The following SMAD3 variants were observed in gnomAD, a reference collection of about 807,000 sequenced individuals.
SMAD3 encodes the protein MAD homolog 3.
SMAD3 carries 12 observed loss-of-function variants against 51.8 expected under a neutral mutation model. The observed-to-expected ratio is 0.23, with a 90% CI of 0.15 to 0.38. The LOEUF is 0.38. Ranked by LOEUF, SMAD3 falls within the 10% of genes least tolerant of loss-of-function variation. The probability of loss-of-function intolerance (pLI) is 1.00; values close to 1 mark genes in which losing one functional copy is unlikely to be tolerated. For synonymous variants in SMAD3, 238 were observed against 227.7 expected, an observed-to-expected ratio of 1.05 and a Z score of -0.41; for missense variants, 294 against 565.6, an observed-to-expected ratio of 0.52 and a Z score of 4.87.
At chr15:67,137,294 A>G (rs1452562723) in intron 1 of SMAD3, among the ~76,000 whole-genome samples, 1 of 152,224 alleles carries the variant, frequency 6.6e-6, no homozygotes, top group Non-Finnish European at 1.5e-5. Flanking sequence ...AAGTTGATTT[A>G]GTACCACAGC....
chr15:67,176,525 T>C lies in SMAD3; in HGVS notation c.659-4716T>C, dbSNP rs188764510. Among the ~76,000 whole-genome samples, 28 of 152,378 alleles carry C rather than the reference T, an allele frequency of 1.8e-4. No individual in the cohort carries two copies. The East Asian group carries it at 4.0e-3, about 22-fold the overall frequency. On this transcript the variant is annotated intron_variant, in intron 5 of 8. Coordinates refer to ENST00000327367, the MANE Select transcript of SMAD3 (RefSeq NM_005902.4). ...TTTCGATTTATAGGAGAAAGTTAAT[T>C]TCCCCCCTTGCCTCCCCACCTCTTC...
intron 1 of SMAD3, among the ~76,000 whole-genome samples, chr15:67,080,959 A>G (rs929063988): frequency 6.6e-6 from 1 of 152,242 alleles, no homozygotes; most frequent in Non-Finnish European, 1.5e-5. Flanking sequence ...CAACTCTCCA[A>G]CCAGACTGTT....
chr15:67,158,775 G>A (rs1962349221), intron 1 of SMAD3, among the ~76,000 whole-genome samples: 1 of 152,250 alleles, frequency 6.6e-6, no homozygotes, highest in South Asian at 2.1e-4. Flanking sequence ...GCACCAGACA[G>A]ACATGAGGAC....
intron 1 of SMAD3, among the ~76,000 whole-genome samples, chr15:67,078,348 T>C (rs1034848326): frequency 6.6e-6 from 1 of 152,250 alleles, no homozygotes; most frequent in African/African-American, 2.4e-5. Flanking sequence ...TGCCTTCATA[T>C]GGACCGTCTC....
chr15:67,163,349 C>T (rs1962482072), intron 1 of SMAD3, among the ~76,000 whole-genome samples: 1 of 152,146 alleles, frequency 6.6e-6, no homozygotes, highest in Admixed American at 6.5e-5. Context: ...CTTTCCTTAC[C>T]ACTGTATCCT....
intron 1 of SMAD3, among the ~76,000 whole-genome samples, chr15:67,073,664 CATTTT>C (rs66935117): frequency 0.46 from 69,200 of 151,022 alleles, 16,112 homozygotes; most frequent in South Asian, 0.66. Context: ...TTCATACAAG[CATTTT>C]ATTTTATTTT....
chr15:67,170,632 G>A, intron 5 of SMAD3, 28 bp downstream of exon 5: 2 of 1,605,346 alleles, frequency 1.2e-6, no homozygotes, highest in Non-Finnish European at 1.7e-6. Flanking sequence ...CACACAACTG[G>A]AACCCCCTCT....
At chr15:67,074,734 G>A (rs528346432) in intron 1 of SMAD3, among the ~76,000 whole-genome samples, 10 of 152,146 alleles carry the variant, frequency 6.6e-5, no homozygotes, top group Non-Finnish European at 1.2e-4. Context: ...GTGTCGCCCA[G>A]GCTGGAGTGC....
intron 1 of SMAD3, among the ~76,000 whole-genome samples, chr15:67,142,532 C>CT (rs1292839120): frequency 6.6e-6 from 1 of 152,084 alleles, no homozygotes; most frequent in East Asian, 1.9e-4. Flanking sequence ...GTGTTAAGTG[C>CT]TTTTTTCTGC....
intron 5 of SMAD3, among the ~76,000 whole-genome samples, chr15:67,172,059 T>C (rs1962765477): frequency 6.6e-6 from 1 of 152,166 alleles, no homozygotes; most frequent in Non-Finnish European, 1.5e-5. Flanking sequence ...AGGTTGGAGG[T>C]GGCTGATGCC....
At chr15:67,123,470 G>A (rs868281572) in intron 1 of SMAD3, among the ~76,000 whole-genome samples, 1 of 152,198 alleles carries the variant, frequency 6.6e-6, no homozygotes, top group East Asian at 1.9e-4. Flanking sequence ...TCGCACTCCA[G>A]CTTGGGCAAC....
At chr15:67,080,989 C>T (rs776089565) in intron 1 of SMAD3, among the ~76,000 whole-genome samples, 2 of 152,184 alleles carry the variant, frequency 1.3e-5, no homozygotes, top group African/African-American at 4.8e-5. Flanking sequence ...GAGGCCATGT[C>T]GGGTGAGCTC....
chr15:67,186,506 C>G (rs1430325881), intron 7 of SMAD3, among the ~76,000 whole-genome samples: 5 of 152,220 alleles, frequency 3.3e-5, no homozygotes, highest in Admixed American at 6.5e-5. Context: ...ACAGCAAGAA[C>G]AGGAGCCTGC....
At chr15:67,098,966 A>C (rs1346433293) in intron 1 of SMAD3, 1 of 702,284 alleles carries the variant, frequency 1.4e-6, no homozygotes, top group Non-Finnish European at 2.6e-6. Flanking sequence ...TGCTTCACAA[A>C]TGTGGACTTT....
At chr15:67,161,019 T>G (rs545000218) in intron 1 of SMAD3, among the ~76,000 whole-genome samples, 1 of 152,224 alleles carries the variant, frequency 6.6e-6, no homozygotes, top group South Asian at 2.1e-4. Context: ...ATCTGAGAAA[T>G]CATTGTCTAT....
intron 1 of SMAD3, chr15:67,098,809 C>A: frequency 1.4e-6 from 1 of 690,710 alleles, no homozygotes. Context: ...GCATCCCCAG[C>A]GGGGGTCTGA....
At position 67,166,973 on chromosome 15, in the gene SMAD3, G is replaced by T. The variant is rs1291164450; in HGVS notation, c.607+120G>T. ...CCTTCTATCTCTCTCTCCAGTATTT[G>T]TAGAGCAACCGCGATGTGCAAGGGG... On this transcript the variant is annotated intron_variant, in intron 4 of 8. Transcript: ENST00000327367. 3.6e-5 allele frequency: 30 copies of T among 831,890 alleles called. 1 individual carries two copies. In the East Asian group the frequency reaches 7.9e-4, roughly 22 times the overall value. The allele number at this position is 831,890 out of a possible 1,614,324, so 51.5% of individuals were successfully genotyped here.
intron 1 of SMAD3, among the ~76,000 whole-genome samples, chr15:67,074,180 TC>T (rs1470926972): frequency 6.6e-6 from 1 of 152,236 alleles, no homozygotes; most frequent in Non-Finnish European, 1.5e-5. Context: ...TGAGTCTAAA[TC>T]AGTGAAATTT....
At chr15:67,183,097 C>T (rs10152593) in intron 6 of SMAD3, among the ~76,000 whole-genome samples, 39,291 of 130,202 alleles carry the variant, frequency 0.3, 6,176 homozygotes, top group East Asian at 0.56. Context: ...GGCTGGAGTG[C>T]GATGGCACAA....
Sources: allele counts gnomAD v4.1 joint callset (sites outside exome capture counted in the v4.1 genomes callset), GRCh38; gene constraint gnomAD v4.1.1; transcripts MANE v1.5; gene names NCBI Gene and HGNC (gene_info 2026-07-23, HGNC 2026-07-21).